Variants in JAM2 observed in about 807,000 individuals in gnomAD.
JAM2 encodes the protein junctional adhesion molecule 2, also known as junctional adhesion molecule B.
In JAM2, 17 loss-of-function variants were observed where a neutral mutation model predicts 42.0. The ratio of observed to expected loss-of-function variants is 0.40; its 90% confidence interval spans 0.28 to 0.61. The LOEUF (loss-of-function observed/expected upper bound fraction) is 0.61, where lower values mean the gene tolerates loss of function less well. Among genes scored for constraint, JAM2 ranks in the 20% least tolerant of loss-of-function variants. The probability of loss-of-function intolerance (pLI) is 0.37; values close to 1 mark genes in which losing one functional copy is unlikely to be tolerated. For synonymous variants in JAM2, 118 were observed against 128.6 expected, an observed-to-expected ratio of 0.92 and a Z score of 0.56; for missense variants, 319 against 358.3, an observed-to-expected ratio of 0.89 and a Z score of 0.89.
intron 1 of JAM2, among the ~76,000 whole-genome samples, chr21:25,644,691 T>C (rs1177397676): frequency 6.6e-6 from 1 of 152,218 alleles, no homozygotes; most frequent in African/African-American, 2.4e-5. Flanking sequence ...GGGAGTAGGA[T>C]GTGGACATCT....
chr21:25,695,505 G>C (rs1294080396), intron 4 of JAM2, among the ~76,000 whole-genome samples: 2 of 152,122 alleles, frequency 1.3e-5, no homozygotes, highest in South Asian at 2.1e-4. Flanking sequence ...CCTCCCAGAC[G>C]GGGCGGCCGC....
rs567039986 is a variant in JAM2, at chr21:25,665,867, C to T, written c.68-18016C>T. On this transcript the variant is annotated intron_variant, in intron 1 of 9. Transcript: ENST00000480456. ...AGCAGCTTGGCAAACATGGCAAAAT[C>T]CCATCTCTACTAAAATGCAAAAATG... is the stretch of plus-strand genomic sequence containing the variant. Among the ~76,000 whole-genome samples the T allele has an allele frequency of 7.9e-5, 12 of 152,162 alleles. No individual in the cohort carries two copies. In the South Asian group the frequency reaches 2.3e-3, roughly 29 times the overall value.
At chr21:25,682,193 T>G in intron 1 of JAM2, among the ~76,000 whole-genome samples, 1 of 152,264 alleles carries the variant, frequency 6.6e-6, no homozygotes, top group East Asian at 1.9e-4. Context: ...GACTTGCACT[T>G]GTAGCATTTA....
chr21:25,669,497 A>G (rs917241426), intron 1 of JAM2, among the ~76,000 whole-genome samples: 1 of 152,230 alleles, frequency 6.6e-6, no homozygotes, highest in African/African-American at 2.4e-5. Context: ...GAAATGTTCT[A>G]TCTGCGTCAC....
intron 8 of JAM2, among the ~76,000 whole-genome samples, chr21:25,711,211 G>C (rs2034376232): frequency 6.6e-6 from 1 of 152,222 alleles, no homozygotes; most frequent in South Asian, 2.1e-4. Context: ...ATTCCAAGTA[G>C]AGGTTATCAG....
At chr21:25,669,417 G>A (rs570693795) in intron 1 of JAM2, among the ~76,000 whole-genome samples, 10 of 151,832 alleles carry the variant, frequency 6.6e-5, no homozygotes, top group South Asian at 2.1e-4. Context: ...GAAGATGGGG[G>A]AAAAGTATAA....
intron 1 of JAM2, among the ~76,000 whole-genome samples, chr21:25,652,810 A>G (rs1600994750): frequency 2.0e-5 from 3 of 152,242 alleles, no homozygotes; most frequent in Non-Finnish European, 2.9e-5. Context: ...TCTGTCTACT[A>G]AAAAGGCCCA....
chr21:25,676,286 C>CAAAAAAAAAAAAAA (rs397958040), intron 1 of JAM2, among the ~76,000 whole-genome samples: 1 of 61,258 alleles, frequency 1.6e-5, no homozygotes, highest in Non-Finnish European at 3.3e-5. Context: ...AGACTCGTCT[C>CAAAAAAAAAAAAAA]AAAAAAAAAA....
chr21:25,649,705 G>A (rs2032719291), intron 1 of JAM2, among the ~76,000 whole-genome samples: 1 of 152,108 alleles, frequency 6.6e-6, no homozygotes, highest in South Asian at 2.1e-4. Context: ...CCCATAATGA[G>A]CAAAAGTTTA....
intron 2 of JAM2, among the ~76,000 whole-genome samples, chr21:25,687,488 AAG>A (rs1227007459): frequency 1.3e-5 from 2 of 152,230 alleles, no homozygotes; most frequent in African/African-American, 2.4e-5. Flanking sequence ...ATTTTGGCTG[AAG>A]AGAGAGAAGA....
intron 1 of JAM2, among the ~76,000 whole-genome samples, chr21:25,642,556 A>G (rs1170120934): frequency 6.6e-6 from 1 of 152,074 alleles, no homozygotes; most frequent in African/African-American, 2.4e-5. Flanking sequence ...GTTTATCAGC[A>G]TTCTTTATAT....
rs1283068171 is a variant in JAM2 at position 25,709,430 on chromosome 21, G to A, written c.806-4G>A. On this transcript the variant is annotated splice_polypyrimidine_tract_variant and splice_region_variant and intron_variant, in intron 7 of 9. Transcript: ENST00000480456. ...ATTAATGATATATACTTTTTCTTTT[G>A]TAGAAGAAACCTCCTTCCAGTAAGT... 3 of 1,419,040 alleles carry A rather than the reference G, an allele frequency of 2.1e-6. No individual in the cohort carries two copies. Among genetic ancestry groups the A allele is most frequent in the East Asian group, 2.3e-5 (1 of 43,628 alleles). 87.9% of individuals were successfully genotyped at this position (1,419,040 alleles called of 1,614,324 possible).
At chr21:25,696,070 C>A (rs527397905) in intron 4 of JAM2, among the ~76,000 whole-genome samples, 35 of 152,306 alleles carry the variant, frequency 2.3e-4, no homozygotes, top group African/African-American at 7.7e-4. Flanking sequence ...GAGCCGAGAT[C>A]ACGCCACTGC....
At chr21:25,706,625 T>A (rs1474008656) in intron 7 of JAM2, among the ~76,000 whole-genome samples, 1 of 152,202 alleles carries the variant, frequency 6.6e-6, no homozygotes, top group Non-Finnish European at 1.5e-5. Context: ...AGTTGCACAT[T>A]CCAGGGAGCA....
In JAM2 at chr21:25,702,253, GA is replaced by G; in HGVS notation, c.684del (p.Lys228AsnfsTer5). ...NSVGYRRCPG[K>X]RMQVDDLNIS... is the part of the protein sequence containing the mutation. ...CTGTTGGATATCGCAGGTGTCCTGG[GA>G]AACGAATGCAAGTAGGTAAGCATGA... On this transcript the variant is annotated frameshift_variant, in exon 6 of 10. Transcript: ENST00000480456. LOFTEE classifies it high-confidence loss of function. 6.3e-7 allele frequency: 1 copy of G among 1,593,840 alleles called. No homozygotes were observed. Among genetic ancestry groups the G allele is most frequent in the Non-Finnish European group, 8.6e-7 (1 of 1,164,566 alleles).
At chr21:25,659,254 CT>C (rs11345118) in intron 1 of JAM2, among the ~76,000 whole-genome samples, 75,512 of 144,114 alleles carry the variant, frequency 0.52, 19,807 homozygotes, top group East Asian at 0.66. Flanking sequence ...ATTTTCTAGC[CT>C]TTTTTTTTTT....
intron 1 of JAM2, among the ~76,000 whole-genome samples, chr21:25,661,082 C>T (rs1023436851): frequency 4.0e-5 from 6 of 151,824 alleles, no homozygotes; most frequent in African/African-American, 1.2e-4. Flanking sequence ...TGAGCCACTG[C>T]GTCTGGCCAA....
chr21:25,697,991 T>C (rs756733936), intron 4 of JAM2, among the ~76,000 whole-genome samples: 4 of 151,068 alleles, frequency 2.6e-5, no homozygotes, highest in Non-Finnish European at 5.9e-5. Context: ...ACATTCTCTC[T>C]CTCTCTCCCT....
intron 4 of JAM2, among the ~76,000 whole-genome samples, chr21:25,696,959 TCTCCCATCTCAGC>T (rs996697363): frequency 1.2e-4 from 18 of 152,160 alleles, no homozygotes; most frequent in Non-Finnish European, 2.4e-4. Flanking sequence ...CTTAAGTGAT[TCTCCCATCTCAGC>T]CTCCCATCTC....
Sources: gnomAD v4.1 joint callset for allele counts (sites outside exome capture counted in the v4.1 genomes callset) on GRCh38, gnomAD v4.1.1 for gene constraint, MANE v1.5 for transcripts, NCBI Gene and HGNC (gene_info 2026-07-23, HGNC 2026-07-21) for gene names.